The following CNBD1 variants were observed in gnomAD, a reference collection of about 807,000 sequenced individuals.
The protein encoded by CNBD1 is cyclic nucleotide-binding domain-containing protein 1.
In CNBD1, 71 loss-of-function variants were observed where a neutral mutation model predicts 54.4. The observed-to-expected ratio is 1.30, with a 90% CI of 1.08 to 1.59. CNBD1 has a LOEUF of 1.59. Among genes scored for constraint, CNBD1 ranks in the 40% most tolerant of loss-of-function variants. The pLI is 0.00. For synonymous variants in CNBD1, 182 were observed against 170.7 expected (o/e 1.07, Z -0.51); for missense variants, 659 against 518.0 (o/e 1.27, Z -2.64).
intron 4 of CNBD1, among the ~76,000 whole-genome samples, chr8:87,152,862 T>G (rs1381171212): frequency 1.3e-5 from 2 of 152,234 alleles, no homozygotes; most frequent in Non-Finnish European, 2.9e-5. Context: ...ATTGTAGTTT[T>G]AGGAAGTTGT....
chr8:86,905,664 C>T (rs2131809002), intron 3 of CNBD1, among the ~76,000 whole-genome samples: 1 of 152,106 alleles, frequency 6.6e-6, no homozygotes, highest in African/African-American at 2.4e-5. Context: ...TTTAGATGTG[C>T]TTTATGTATT....
chr8:86,960,556 G>T (rs546059825), intron 4 of CNBD1, among the ~76,000 whole-genome samples: 1 of 152,176 alleles, frequency 6.6e-6, no homozygotes, highest in Non-Finnish European at 1.5e-5. Flanking sequence ...CACCTCTCGG[G>T]GCAGTGCATA....
chr8:87,392,130 AAAATTAT>A (rs1444986193), intron 2 of CNBD1, among the ~76,000 whole-genome samples: 2 of 152,198 alleles, frequency 1.3e-5, no homozygotes, highest in African/African-American at 4.8e-5. Flanking sequence ...ACTATTTTGA[AAAATTAT>A]AAAATATAGA....
At chr8:87,121,414 C>T (rs950810094) in intron 4 of CNBD1, among the ~76,000 whole-genome samples, 1 of 151,590 alleles carries the variant, frequency 6.6e-6, no homozygotes, top group African/African-American at 2.4e-5. Context: ...TAATTTTATA[C>T]ATTTATGAGG....
chr8:87,366,606 A>T (rs2130942611), intron 10 of CNBD1, among the ~76,000 whole-genome samples: 1 of 152,166 alleles, frequency 6.6e-6, no homozygotes, highest in African/African-American at 2.4e-5. Context: ...AAATCCCTGT[A>T]CTGTGTAATA....
intron 3 of CNBD1, among the ~76,000 whole-genome samples, chr8:86,911,175 C>T (rs2131814792): frequency 6.6e-6 from 1 of 152,306 alleles, no homozygotes; most frequent in South Asian, 2.1e-4. Flanking sequence ...TTTCTATTGG[C>T]ACAGCTGTTG....
intron 4 of CNBD1, among the ~76,000 whole-genome samples, chr8:87,088,523 C>T: frequency 6.6e-6 from 1 of 152,016 alleles, no homozygotes; most frequent in Middle Eastern, 3.4e-3. Flanking sequence ...AATATCATGC[C>T]AAGTAATTTA....
chr8:87,314,978 T>C (rs1490260850), intron 8 of CNBD1, among the ~76,000 whole-genome samples: 2 of 152,162 alleles, frequency 1.3e-5, no homozygotes, highest in South Asian at 2.1e-4. Flanking sequence ...CTTTAAAAAA[T>C]AGTAGTAGGA....
chr8:87,412,114 G>C (rs1346285843), intron 2 of CNBD1, among the ~76,000 whole-genome samples: 1 of 151,906 alleles, frequency 6.6e-6, no homozygotes, highest in Admixed American at 6.6e-5. Flanking sequence ...AAAAATTAAG[G>C]AACCTGAGTT....
At chr8:87,051,677 C>T (rs983653307) in intron 4 of CNBD1, among the ~76,000 whole-genome samples, 3 of 152,186 alleles carry the variant, frequency 2.0e-5, no homozygotes, top group Non-Finnish European at 4.4e-5. Flanking sequence ...AGGCACAGAT[C>T]GCTCATGCTA....
chr8:87,275,835 G>T (rs1161907334), intron 6 of CNBD1, among the ~76,000 whole-genome samples: 1 of 151,578 alleles, frequency 6.6e-6, no homozygotes, highest in Admixed American at 6.6e-5. Context: ...CATTGTCTCA[G>T]CCCAAAATCT....
intron 6 of CNBD1, among the ~76,000 whole-genome samples, chr8:87,267,976 G>C (rs1468249738): frequency 6.6e-6 from 1 of 152,010 alleles, no homozygotes; most frequent in Non-Finnish European, 1.5e-5. Flanking sequence ...ATATGTTTTA[G>C]GGTCTGGCGA....
At chr8:86,926,744 A>T (rs561482427) in intron 3 of CNBD1, among the ~76,000 whole-genome samples, 1 of 152,310 alleles carries the variant, frequency 6.6e-6, no homozygotes, top group East Asian at 1.9e-4. Flanking sequence ...CACCGCTGCC[A>T]AAGACTCCAC....
intron 6 of CNBD1, among the ~76,000 whole-genome samples, chr8:87,270,009 C>A (rs1395894559): frequency 6.6e-6 from 1 of 151,872 alleles, no homozygotes; most frequent in Non-Finnish European, 1.5e-5. Context: ...AGATCCTCAA[C>A]AAAAATACTA....
intron 6 of CNBD1, among the ~76,000 whole-genome samples, chr8:87,266,423 A>AG (rs1424805784): frequency 1.4e-5 from 2 of 140,142 alleles, no homozygotes; most frequent in Non-Finnish European, 3.1e-5. Context: ...GGTCCAAGTA[A>AG]AAAAAAAAAA....
intron 4 of CNBD1, among the ~76,000 whole-genome samples, chr8:87,186,002 G>C (rs1774771686): frequency 6.6e-6 from 1 of 151,960 alleles, no homozygotes; most frequent in Admixed American, 6.6e-5. Flanking sequence ...TCGTTTCCAA[G>C]GTTTACTGTT....
chr8:86,869,806 T>C (rs1053068427), intron 1 of CNBD1, among the ~76,000 whole-genome samples: 8 of 152,178 alleles, frequency 5.3e-5, no homozygotes, highest in African/African-American at 1.7e-4. Flanking sequence ...TTTTTATAAG[T>C]TGATTTCCTG....
rs938476008 is a variant in CNBD1, at chr8:87,326,128, GA to G, written c.1043-25556del. Among the ~76,000 whole-genome samples, 9 of 132,580 alleles carry G rather than the reference GA, an allele frequency of 6.8e-5. 1 individual carries two copies. The highest frequency in any genetic ancestry group is 6.8e-4 in the Admixed American group (9 of 13,296). 87.0% of individuals were successfully genotyped at this position (132,580 alleles called of 152,430 possible). ...CTTTTCTTTAAGAATGTTGAATATTGACCCCCACTCTCTTCTGGCTTGTAGG... is the reference window on the plus strand; with the variant it reads ...CTTTTCTTTAAGAATGTTGAATATTGCCCCCACTCTCTTCTGGCTTGTAGG... On this transcript the variant is annotated intron_variant, in intron 8 of 10. Transcript: ENST00000518476.
At chr8:87,249,224 T>C (rs1365740888) in intron 6 of CNBD1, among the ~76,000 whole-genome samples, 1 of 152,148 alleles carries the variant, frequency 6.6e-6, no homozygotes, top group East Asian at 1.9e-4. Flanking sequence ...ATCCCTCCCA[T>C]GCACAGTTCA....
Sources: gnomAD v4.1 joint callset for allele counts (sites outside exome capture counted in the v4.1 genomes callset) on GRCh38, gnomAD v4.1.1 for gene constraint, MANE v1.5 for transcripts, NCBI Gene and HGNC (gene_info 2026-07-23, HGNC 2026-07-21) for gene names.